Variants in EFCAB13 observed in about 807,000 individuals in gnomAD.
EFCAB13 encodes the protein EF-hand calcium-binding domain-containing protein 13.
EFCAB13 carries 91 observed loss-of-function variants against 110.2 expected under a neutral mutation model. The observed-to-expected ratio is 0.83, with a 90% confidence interval of 0.70 to 0.98. The LOEUF (loss-of-function observed/expected upper bound fraction) is 0.98, where lower values mean the gene tolerates loss of function less well. EFCAB13 is among the 50% of genes least tolerant of loss of function. The pLI, the probability that EFCAB13 is intolerant of heterozygous loss-of-function variation, is 0.00. For synonymous variants in EFCAB13, 323 were observed against 369.9 expected (o/e 0.87, Z 1.45); for missense variants, 968 against 1,119.4 (o/e 0.86, Z 1.93).
rs1274398075 is a variant in EFCAB13 at position 47,387,181 on chromosome 17, T to G, written c.1583-4256T>G. On this transcript the variant is annotated intron_variant, in intron 14 of 24. Coordinates refer to ENST00000331493, the MANE Select transcript of EFCAB13 (RefSeq NM_152347.5). ...ATATCGGGATCAGAAAAGTACTTCA[T>G]ATGATTTTGACTTTTTAAAATTTGT... 1.2e-4 allele frequency among the ~76,000 whole-genome samples: 19 copies of G among 152,202 alleles called. 1 individual carries two copies. The highest frequency in any genetic ancestry group is 1.2e-3 in the Admixed American group (18 of 15,288).
intron 11 of EFCAB13, among the ~76,000 whole-genome samples, chr17:47,373,983 G>A (rs1014950956): frequency 3.3e-5 from 5 of 152,080 alleles, no homozygotes; most frequent in African/African-American, 1.2e-4. Flanking sequence ...GGGGCATTGT[G>A]TTAATAATTT....
At chr17:47,351,401 G>A (rs909836818) in intron 9 of EFCAB13, among the ~76,000 whole-genome samples, 1 of 151,888 alleles carries the variant, frequency 6.6e-6, no homozygotes, top group African/African-American at 2.4e-5. Context: ...TGTGGATTGT[G>A]CTGTGATAAA....
At chr17:47,325,935 T>TATATATATC in intron 2 of EFCAB13, among the ~76,000 whole-genome samples, 2 of 42,434 alleles carry the variant, frequency 4.7e-5, no homozygotes, top group African/African-American at 1.3e-4. Context: ...TATATATATA[T>TATATATATC]ATATATATAT....
At chr17:47,413,785 T>C (rs117603331) in intron 22 of EFCAB13, among the ~76,000 whole-genome samples, 2 of 152,318 alleles carry the variant, frequency 1.3e-5, no homozygotes, top group Non-Finnish European at 2.9e-5. Flanking sequence ...TCCTTGTTTA[T>C]TTGAGTCAAT....
chr17:47,439,078 A>C (rs962688416), intron 24 of EFCAB13, among the ~76,000 whole-genome samples: 3 of 151,970 alleles, frequency 2.0e-5, no homozygotes, highest in Non-Finnish European at 4.4e-5. Context: ...CTTATGGGTA[A>C]ACTCTCATTG....
At chr17:47,365,012 C>T (rs1244336370) in intron 10 of EFCAB13, among the ~76,000 whole-genome samples, 3 of 152,200 alleles carry the variant, frequency 2.0e-5, no homozygotes, top group African/African-American at 7.2e-5. Flanking sequence ...TAGATCCAAA[C>T]TCAACTGTCT....
chr17:47,380,857 G>T (rs1331855129), intron 14 of EFCAB13, among the ~76,000 whole-genome samples: 8 of 143,954 alleles, frequency 5.6e-5, no homozygotes, highest in African/African-American at 1.5e-4. Context: ...TTTCATCTTT[G>T]TTGGCCGCAT....
intron 20 of EFCAB13, among the ~76,000 whole-genome samples, chr17:47,408,347 C>T (rs2065815914): frequency 6.6e-6 from 1 of 152,134 alleles, no homozygotes; most frequent in African/African-American, 2.4e-5. Flanking sequence ...TTAAATTTAG[C>T]TTCAGCTGAA....
chr17:47,356,552 CAA>C (rs1491503706), intron 9 of EFCAB13, among the ~76,000 whole-genome samples: 4 of 152,184 alleles, frequency 2.6e-5, no homozygotes, highest in African/African-American at 7.2e-5. Flanking sequence ...AGAGTGTCTG[CAA>C]AGAGTCCTGT....
chr17:47,401,754 G>A (rs1299476355), intron 17 of EFCAB13, among the ~76,000 whole-genome samples: 1 of 144,622 alleles, frequency 6.9e-6, no homozygotes, highest in Non-Finnish European at 1.5e-5. Flanking sequence ...AAACAATTCT[G>A]CTGCCTCAGC....
Position 47,374,383 on chromosome 17 carries a change from A to G in EFCAB13, c.878-89A>G, listed in dbSNP as rs1048261454. On this transcript the variant is annotated intron_variant, in intron 11 of 24. Transcript: ENST00000331493. ...GTTTAAGAAACTGATAATTTCTTGA[A>G]TAGTTTTCATGAGGACTTAGTTGTT... The G allele has an allele frequency of 1.1e-5, 12 of 1,125,892 alleles. No homozygotes were observed. The Admixed American group carries it at 2.6e-4, about 24-fold the overall frequency. The allele number at this position is 1,125,892 out of a possible 1,614,324, so 69.7% of individuals were successfully genotyped here. A position where few individuals can be genotyped will look rare whatever the true frequency, so the allele number is the denominator to read the frequency against.
At chr17:47,411,081 C>T (rs1010450426) in intron 21 of EFCAB13, among the ~76,000 whole-genome samples, 1 of 152,136 alleles carries the variant, frequency 6.6e-6, no homozygotes, top group African/African-American at 2.4e-5. Flanking sequence ...TTTAATTAGA[C>T]TCTTAAGGTT....
At chr17:47,346,971 T>C (rs1055743146) in intron 8 of EFCAB13, among the ~76,000 whole-genome samples, 2 of 152,182 alleles carry the variant, frequency 1.3e-5, no homozygotes, top group African/African-American at 4.8e-5. Context: ...TATTTATCAC[T>C]GTTAGGGCTA....
intron 14 of EFCAB13, among the ~76,000 whole-genome samples, chr17:47,380,652 C>T (rs1231452445): frequency 6.6e-6 from 1 of 152,158 alleles, no homozygotes; most frequent in Non-Finnish European, 1.5e-5. Context: ...TGAGGAATCG[C>T]CACACTTCTT....
chr17:47,369,429 T>A (rs887534202), intron 10 of EFCAB13, among the ~76,000 whole-genome samples: 1 of 152,242 alleles, frequency 6.6e-6, no homozygotes, highest in African/African-American at 2.4e-5. Context: ...ATCACTTTAC[T>A]TGGAGCTGGA....
At chr17:47,326,759 C>T (rs993650357) in intron 3 of EFCAB13, among the ~76,000 whole-genome samples, 1 of 152,068 alleles carries the variant, frequency 6.6e-6, no homozygotes, top group African/African-American at 2.4e-5. Context: ...ACTGGGGAGA[C>T]CTGCATAGAT....
intron 23 of EFCAB13, among the ~76,000 whole-genome samples, chr17:47,416,938 G>A (rs968489876): frequency 6.6e-6 from 1 of 152,140 alleles, no homozygotes; most frequent in Middle Eastern, 3.2e-3. Flanking sequence ...TCAAGAGACT[G>A]GCTGGAAAAC....
intron 24 of EFCAB13, chr17:47,430,782 T>C (rs1241041917): frequency 6.6e-6 from 1 of 152,100 alleles, no homozygotes; most frequent in East Asian, 1.9e-4. Flanking sequence ...TTACTCTCGA[T>C]TGAACTCCAC....
chr17:47,399,456 CT>C (rs1055572913), intron 17 of EFCAB13, among the ~76,000 whole-genome samples: 5 of 151,920 alleles, frequency 3.3e-5, no homozygotes, highest in Admixed American at 6.6e-5. Flanking sequence ...AAGCAGAATG[CT>C]TTTTTTCCAA....
Sources: allele counts gnomAD v4.1 joint callset (sites outside exome capture counted in the v4.1 genomes callset), GRCh38; gene constraint gnomAD v4.1.1; transcripts MANE v1.5; gene names NCBI Gene and HGNC (gene_info 2026-07-23, HGNC 2026-07-21).